The following ZC3H12B variants were observed in gnomAD, a reference collection of about 807,000 sequenced individuals.
ZC3H12B encodes zinc finger CCCH-type containing 12B.
Under a neutral mutation model 43.9 loss-of-function variants are expected in ZC3H12B, and 7 were observed. That is an observed-to-expected ratio of 0.16 (90% CI 0.09 to 0.30). ZC3H12B has a LOEUF of 0.30. Ranked by LOEUF, ZC3H12B falls within the 10% of genes least tolerant of loss-of-function variation. The pLI, the probability that ZC3H12B is intolerant of heterozygous loss-of-function variation, is 1.00. For missense variants in ZC3H12B, 475 were observed against 670.2 expected (o/e 0.71, Z 3.22); for synonymous variants, 222 against 241.7 (o/e 0.92, Z 0.76).
At chrX:65,116,571 T>C in the ZC3H12B span, among the ~76,000 whole-genome samples, 3 of 110,676 alleles carry the variant, frequency 2.7e-5, no homozygotes, top group Non-Finnish European at 5.7e-5. Flanking sequence ...ATTTTTTTTC[T>C]TTTTTTTATT....
chrX:65,099,787 A>C, the ZC3H12B span, among the ~76,000 whole-genome samples: 1 of 111,594 alleles, frequency 9.0e-6, no homozygotes, highest in Non-Finnish European at 1.9e-5. Context: ...AAACCGGCCC[A>C]AAAATGCTGA....
At chrX:65,292,816 C>A in the ZC3H12B span, among the ~76,000 whole-genome samples, 550 of 110,225 alleles carry the variant, frequency 5.0e-3, 2 homozygotes, top group African/African-American at 0.016. Context: ...AAGACTTTGT[C>A]TCTACAGATA....
chrX:65,383,041 C>G (rs934990899), intron 2 of ZC3H12B, among the ~76,000 whole-genome samples: 11 of 110,957 alleles, frequency 9.9e-5, no homozygotes, highest in African/African-American at 3.7e-4. Context: ...AGGTAATTTA[C>G]AGATTCAATG....
At chrX:65,221,129 A>C in the ZC3H12B span, among the ~76,000 whole-genome samples, 2 of 112,058 alleles carry the variant, frequency 1.8e-5, no homozygotes, top group Admixed American at 1.9e-4. Context: ...TCAAGATGGA[A>C]ATTTAAAAAA....
the ZC3H12B span, among the ~76,000 whole-genome samples, chrX:65,198,601 G>T: frequency 1.8e-5 from 2 of 111,680 alleles, no homozygotes; most frequent in Admixed American, 1.9e-4. Flanking sequence ...TGAAAAGTCT[G>T]TTGCCAGATG....
At chrX:65,133,410 G>T in the ZC3H12B span, among the ~76,000 whole-genome samples, 12 of 109,850 alleles carry the variant, frequency 1.1e-4, no homozygotes, top group Non-Finnish European at 1.7e-4. Flanking sequence ...CTGGGTCTAG[G>T]GTGGTAAAGC....
chrX:65,195,454 A>T, the ZC3H12B span, among the ~76,000 whole-genome samples: 1 of 111,314 alleles, frequency 9.0e-6, no homozygotes, highest in Non-Finnish European at 1.9e-5. Context: ...ACTAATAAAA[A>T]CTCTACACTT....
chrX:65,337,034 G>T, the ZC3H12B span, among the ~76,000 whole-genome samples: 1 of 112,281 alleles, frequency 8.9e-6, no homozygotes, highest in Non-Finnish European at 1.9e-5. Context: ...ATGTTCCTAA[G>T]TTGAGCCCTG....
the ZC3H12B span, among the ~76,000 whole-genome samples, chrX:65,263,873 C>T: frequency 9.0e-6 from 1 of 111,320 alleles, no homozygotes; most frequent in Non-Finnish European, 1.9e-5. Context: ...ATGTTTATCA[C>T]AGTACAATTC....
At chrX:65,166,933 T>C in the ZC3H12B span, among the ~76,000 whole-genome samples, 20 of 112,305 alleles carry the variant, frequency 1.8e-4, no homozygotes, top group Non-Finnish European at 2.8e-4. Context: ...TTGTAGATTC[T>C]TGATATTAGC....
At chrX:65,212,437 A>T in the ZC3H12B span, among the ~76,000 whole-genome samples, 5 of 59,775 alleles carry the variant, frequency 8.4e-5, no homozygotes, top group Admixed American at 6.0e-4. Flanking sequence ...ATTATTATAT[A>T]TTATATTATA....
At chrX:65,469,698 C>T (rs970781569) in intron 3 of ZC3H12B, 2 of 136,232 alleles carry the variant, frequency 1.5e-5, no homozygotes, top group African/African-American at 3.1e-5. Flanking sequence ...AGGCCAGGCG[C>T]GGAGGCTCAC....
the ZC3H12B span, among the ~76,000 whole-genome samples, chrX:65,052,908 G>A: frequency 9.0e-6 from 1 of 111,072 alleles, no homozygotes; most frequent in Non-Finnish European, 1.9e-5. Flanking sequence ...AGTATATAAG[G>A]GTTCACTTTT....
chrX:65,156,590 A>T, the ZC3H12B span, among the ~76,000 whole-genome samples: 1 of 111,258 alleles, frequency 9.0e-6, no homozygotes, highest in African/African-American at 3.3e-5. Flanking sequence ...CATGTTGGCC[A>T]GGCTTGACTT....
intron 3 of ZC3H12B, among the ~76,000 whole-genome samples, chrX:65,411,666 C>A (rs1229754081): frequency 1.8e-5 from 2 of 110,145 alleles, no homozygotes; most frequent in Non-Finnish European, 3.8e-5. Context: ...GCAGAGGTTG[C>A]AGTGAGCCGA....
the ZC3H12B span, among the ~76,000 whole-genome samples, chrX:65,161,658 C>T: frequency 8.9e-6 from 1 of 111,810 alleles, no homozygotes; most frequent in African/African-American, 3.3e-5. Flanking sequence ...ATGTGTGTCT[C>T]TGTAAGTGAG....
intron 2 of ZC3H12B, among the ~76,000 whole-genome samples, chrX:65,373,674 A>G (rs1375650251): frequency 5.5e-5 from 5 of 91,692 alleles, no homozygotes; most frequent in Non-Finnish European, 1.1e-4. Flanking sequence ...TCTCACTCAT[A>G]GGTGAGAATT....
chrX:65,383,519 T>A (rs1413035537), intron 2 of ZC3H12B, among the ~76,000 whole-genome samples: 1 of 111,719 alleles, frequency 9.0e-6, no homozygotes, highest in African/African-American at 3.3e-5. Context: ...AACCTAGGCA[T>A]TACCATTCAG....
chrX:65,390,725 C>T (rs1055505080), intron 2 of ZC3H12B, among the ~76,000 whole-genome samples: 1 of 104,461 alleles, frequency 9.6e-6, no homozygotes, highest in Admixed American at 1.1e-4. Flanking sequence ...ATCAAATATA[C>T]GTAAGAGATA....
Sources: gnomAD v4.1 joint callset for allele counts (sites outside exome capture counted in the v4.1 genomes callset) on GRCh38, gnomAD v4.1.1 for gene constraint, MANE v1.5 for transcripts, NCBI Gene and HGNC (gene_info 2026-07-23, HGNC 2026-07-21) for gene names.